Variants in KLHL15 observed in about 807,000 individuals in gnomAD.
KLHL15 encodes the protein kelch like family member 15.
Under a neutral mutation model 29.3 loss-of-function variants are expected in KLHL15, and 1 was observed. That is an observed-to-expected ratio of 0.03 (90% CI 0.01 to 0.16). The LOEUF (loss-of-function observed/expected upper bound fraction) is 0.16, where lower values mean the gene tolerates loss of function less well. KLHL15 is among the 10% of genes least tolerant of loss of function. The pLI, the probability that KLHL15 is intolerant of heterozygous loss-of-function variation, is 1.00. For missense variants in KLHL15, 215 were observed against 478.5 expected (o/e 0.45, Z 5.14); for synonymous variants, 212 against 184.5 (o/e 1.15, Z -1.21).
chrX:23,990,611 T>C (rs1022888383), intron 3 of KLHL15, among the ~76,000 whole-genome samples: 7 of 111,029 alleles, frequency 6.3e-5, no homozygotes, highest in African/African-American at 9.8e-5. Flanking sequence ...AGAGTGTTGA[T>C]ATCAATAGGG....
At chrX:23,996,587 CG>C (rs1929194156) in intron 3 of KLHL15, among the ~76,000 whole-genome samples, 2 of 111,157 alleles carry the variant, frequency 1.8e-5, no homozygotes, top group African/African-American at 6.5e-5. Flanking sequence ...CGCTTGATCC[CG>C]GGAGGCAGAG....
intron 3 of KLHL15, 133 bp from the exon 4 acceptor site, chrX:23,989,163 C>T (rs1929033281): frequency 4.1e-6 from 2 of 484,126 alleles, no homozygotes; most frequent in South Asian, 4.3e-5. Context: ...CACCTACTTT[C>T]TTTTGTTTTC....
At chrX:24,025,394 G>C (rs1259931413) in intron 1 of KLHL15, among the ~76,000 whole-genome samples, 1 of 106,173 alleles carries the variant, frequency 9.4e-6, no homozygotes, top group Non-Finnish European at 2.0e-5. Context: ...GCCGGGGGCC[G>C]CTCCGGGCCG....
intron 3 of KLHL15, among the ~76,000 whole-genome samples, chrX:24,003,093 CTGCACT>C (rs1183464439): frequency 1.8e-5 from 2 of 112,407 alleles, no homozygotes; most frequent in African/African-American, 3.2e-5. Context: ...AGCATGCTTC[CTGCACT>C]TTAGGGTCTT....
At chrX:24,001,899 C>T (rs1271608780) in intron 3 of KLHL15, among the ~76,000 whole-genome samples, 2 of 106,779 alleles carry the variant, frequency 1.9e-5, no homozygotes, top group Admixed American at 1.0e-4. Flanking sequence ...TTTGGGAGGC[C>T]AAGGCGGGTG....
At chrX:23,996,393 T>G (rs761683585) in intron 3 of KLHL15, among the ~76,000 whole-genome samples, 1 of 111,954 alleles carries the variant, frequency 8.9e-6, no homozygotes, top group African/African-American at 3.2e-5. Flanking sequence ...AGGCCGGGCG[T>G]GGTGGCTCAC....
At chrX:23,993,133 C>CA (rs753924211) in intron 3 of KLHL15, among the ~76,000 whole-genome samples, 3 of 111,971 alleles carry the variant, frequency 2.7e-5, no homozygotes, top group African/African-American at 9.7e-5. Context: ...TGGTTGAGAA[C>CA]AAAAAGAAAA....
chrX:24,004,474 A>G (rs984900479), intron 3 of KLHL15, among the ~76,000 whole-genome samples: 1 of 112,548 alleles, frequency 8.9e-6, no homozygotes, highest in Non-Finnish European at 1.9e-5. Flanking sequence ...TGTGGGGCTG[A>G]TTATCACTAA....
chrX:24,006,740 T>C (rs372473589), intron 2 of KLHL15, 40 bp from the exon 3 acceptor site: 46 of 979,262 alleles, frequency 4.7e-5, no homozygotes, highest in Admixed American at 2.1e-4. Flanking sequence ...AACACTTCCA[T>C]GCATTCAGAA....
intron 2 of KLHL15, among the ~76,000 whole-genome samples, chrX:24,024,431 T>C (rs1929877173): frequency 8.9e-6 from 1 of 112,094 alleles, no homozygotes; most frequent in African/African-American, 3.2e-5. Context: ...ATGTTGGTAG[T>C]ACCGACTATA....
intron 2 of KLHL15, among the ~76,000 whole-genome samples, chrX:24,017,571 G>A (rs761279096): frequency 9.2e-6 from 1 of 109,137 alleles, no homozygotes; most frequent in South Asian, 3.9e-4. Context: ...GCTTGAGCTC[G>A]GGAGTTCGAG....
intron 1 of KLHL15, among the ~76,000 whole-genome samples, chrX:24,025,875 C>T (rs1929923200): frequency 9.0e-6 from 1 of 110,759 alleles, no homozygotes; most frequent in South Asian, 3.8e-4. Context: ...CGCGGCGCCG[C>T]CGTCGGGGCT....
At chrX:24,011,167 CAAAAAAA>C (rs200250064) in intron 2 of KLHL15, among the ~76,000 whole-genome samples, 21 of 53,961 alleles carry the variant, frequency 3.9e-4, no homozygotes, top group African/African-American at 7.6e-4. Context: ...AAAGTCATCT[CAAAAAAA>C]AAAAAAAAGA....
At chrX:23,998,220 C>T (rs934053317) in intron 3 of KLHL15, among the ~76,000 whole-genome samples, 5 of 111,176 alleles carry the variant, frequency 4.5e-5, no homozygotes, top group African/African-American at 1.3e-4. Context: ...CTTGGCTTCC[C>T]AAAGTGCTGC....
intron 3 of KLHL15, among the ~76,000 whole-genome samples, chrX:23,997,637 A>G (rs1929216819): frequency 1.0e-5 from 1 of 98,367 alleles, no homozygotes; most frequent in Admixed American, 1.2e-4. Flanking sequence ...AGGCTGAGGC[A>G]GGAGAATCAC....
At chrX:23,993,673 C>T (rs926696938) in intron 3 of KLHL15, among the ~76,000 whole-genome samples, 4 of 109,833 alleles carry the variant, frequency 3.6e-5, no homozygotes, top group Non-Finnish European at 7.6e-5. Flanking sequence ...ACTGACTATC[C>T]TCAATATGAA....
intron 3 of KLHL15, among the ~76,000 whole-genome samples, chrX:23,993,588 G>A (rs186449163): frequency 3.6e-5 from 4 of 111,062 alleles, no homozygotes; most frequent in African/African-American, 1.3e-4. Context: ...CATTTGGGGG[G>A]TAGGGTGAGG....
In KLHL15 at chrX:24,006,316, C is replaced by T. The variant is rs759083539; in HGVS notation, c.378G>A (p.Ala126=). The T allele has an allele frequency of 3.7e-5, 45 of 1,209,791 alleles. No individual in the cohort carries two copies. The highest frequency in any genetic ancestry group is 3.0e-4 in the African/African-American group (17 of 57,174). The part of the protein sequence containing the change: ...VVKFCCSFLL[A]KICLENCAEI... ...CTGCACAATTTTCTAGGCAGATCTT[C>T]GCTAAGAGAAAAGAGCAGCAGAACT... Residue 126 remains alanine, a synonymous_variant, in exon 3 of 4, where the codon GCG becomes GCA. Transcript: ENST00000328046.
intron 3 of KLHL15, among the ~76,000 whole-genome samples, chrX:24,001,601 T>A (rs920984106): frequency 9.7e-6 from 1 of 103,358 alleles, no homozygotes; most frequent in African/African-American, 3.6e-5. Context: ...GTCAGGAGTT[T>A]GAGACCAGCC....
Sources: allele counts gnomAD v4.1 joint callset (sites outside exome capture counted in the v4.1 genomes callset), GRCh38; gene constraint gnomAD v4.1.1; transcripts MANE v1.5; gene names NCBI Gene and HGNC (gene_info 2026-07-23, HGNC 2026-07-21).